Variants in DRC11L observed in about 807,000 individuals in gnomAD.
DRC11L encodes dynein regulatory complex subunit like-11.
chr7:151,201,712 G>A, the DRC11L span, among the ~76,000 whole-genome samples: 1 of 152,200 alleles, frequency 6.6e-6, no homozygotes, highest in African/African-American at 2.4e-5. The surrounding 1 kb of genome is among the most constrained non-coding windows in gnomAD (Gnocchi z 4.1). Context: ...GAAGGCGGGG[G>A]AGATTGATTT....
the DRC11L span, chr7:151,204,411 C>T: frequency 8.3e-6 from 3 of 362,544 alleles, no homozygotes; most frequent in Non-Finnish European, 1.4e-5. Context: ...CTGGCCAGGG[C>T]GTGGCTCTGT....
the DRC11L span, chr7:151,205,332 T>G: frequency 7.5e-6 from 3 of 398,876 alleles, no homozygotes; most frequent in Admixed American, 4.4e-5. Flanking sequence ...CAGCAGCAGC[T>G]GGGGTGGCCC....
the DRC11L span, among the ~76,000 whole-genome samples, chr7:151,199,922 C>CGT: frequency 6.7e-6 from 1 of 148,168 alleles, no homozygotes; most frequent in Non-Finnish European, 1.5e-5. This position sits in a 1 kb window ranked among gnomAD's most constrained non-coding sequence, Gnocchi z 5.2. Context: ...GCCAGGCACA[C>CGT]GTGTGTGCAC....
At chr7:151,195,198 C>T in the DRC11L span, among the ~76,000 whole-genome samples, 12 of 152,270 alleles carry the variant, frequency 7.9e-5, no homozygotes, top group East Asian at 3.9e-4. Flanking sequence ...ATTGAGATCT[C>T]GCTCTGCATC....
chr7:151,192,861 T>C, the DRC11L span: 2 of 399,002 alleles, frequency 5.0e-6, no homozygotes, highest in Non-Finnish European at 8.8e-6. Context: ...AATCAGATGT[T>C]AGATGTCTCT....
At chr7:151,196,597 G>C in the DRC11L span, 1 of 399,528 alleles carries the variant, frequency 2.5e-6, no homozygotes, top group Non-Finnish European at 4.4e-6. Flanking sequence ...TCAGAGTGCC[G>C]GGTGCATACA....
the DRC11L span, chr7:151,195,954 C>G: frequency 1.0e-5 from 3 of 286,802 alleles, no homozygotes; most frequent in East Asian, 1.2e-4. Context: ...AACCGAAGAT[C>G]CCCCGCTGAG....
the DRC11L span, chr7:151,191,125 C>T: frequency 5.0e-6 from 2 of 399,268 alleles, no homozygotes; most frequent in African/African-American, 4.1e-5. Context: ...GGCCCTCAGA[C>T]CCATCCTGAC....
chr7:151,204,895 G>C, the DRC11L span: 1 of 399,102 alleles, frequency 2.5e-6, no homozygotes, highest in Non-Finnish European at 4.4e-6. Context: ...GGGAGACGGA[G>C]CAGCCTGGCC....
At chr7:151,194,899 C>T in the DRC11L span, among the ~76,000 whole-genome samples, 2 of 152,352 alleles carry the variant, frequency 1.3e-5, no homozygotes, top group East Asian at 3.9e-4. Flanking sequence ...CAAAGGTCCA[C>T]CATTAGAAAT....
the DRC11L span, chr7:151,196,580 G>A: frequency 5.8e-5 from 23 of 399,560 alleles, no homozygotes; most frequent in East Asian, 1.1e-4. Flanking sequence ...GGATGGATGC[G>A]TGAAGGTCAG....
the DRC11L span, chr7:151,200,545 G>C: frequency 2.5e-6 from 1 of 399,072 alleles, no homozygotes. Flanking sequence ...GTCCGAGAGG[G>C]TCACACTAGA....
chr7:151,198,015 C>T, the DRC11L span: 1 of 353,340 alleles, frequency 2.8e-6, no homozygotes, highest in Non-Finnish European at 5.1e-6. Context: ...GATGGATGGA[C>T]AGATGGATAG....
the DRC11L span, chr7:151,196,617 T>C: frequency 5.0e-6 from 2 of 399,380 alleles, no homozygotes; most frequent in African/African-American, 4.1e-5. Context: ...ACACATGCAT[T>C]CATGCGTGCA....
chr7:151,199,030 G>A, the DRC11L span: 1 of 398,956 alleles, frequency 2.5e-6, no homozygotes, highest in Non-Finnish European at 4.4e-6. This position sits in a 1 kb window ranked among gnomAD's most constrained non-coding sequence, Gnocchi z 5.2. Context: ...GAGGCTGAGG[G>A]GCTCAGGAGT....
At chr7:151,200,497 A>T in the DRC11L span, 38 of 399,176 alleles carry the variant, frequency 9.5e-5, no homozygotes, top group Non-Finnish European at 8.8e-6. Flanking sequence ...CACAGGACAC[A>T]CAGTCTCCAC....
chr7:151,191,022 G>C, the DRC11L span: 8 of 399,998 alleles, frequency 2.0e-5, no homozygotes, highest in African/African-American at 1.4e-4. Context: ...TGGCCTCCTC[G>C]GCCTCCAACT....
chr7:151,204,185 G>A, the DRC11L span, among the ~76,000 whole-genome samples: 2 of 152,152 alleles, frequency 1.3e-5, no homozygotes, highest in Non-Finnish European at 1.5e-5. Context: ...CAGTCATGCA[G>A]GGGACCTCAC....
the DRC11L span, chr7:151,202,934 G>C: frequency 2.5e-6 from 1 of 399,800 alleles, no homozygotes; most frequent in East Asian, 3.6e-5. Flanking sequence ...ACAGCTGCTT[G>C]GCCCTGACTG....
Sources: allele counts gnomAD v4.1 joint callset (sites outside exome capture counted in the v4.1 genomes callset), GRCh38; gene constraint gnomAD v4.1.1; non-coding constraint Gnocchi (gnomAD v3.1); transcripts MANE v1.5; gene names NCBI Gene and HGNC (gene_info 2026-07-23, HGNC 2026-07-21).